The following GNB4 variants were observed in gnomAD, a reference collection of about 807,000 sequenced individuals.
GNB4 encodes G protein subunit beta 4.
GNB4 carries 28 observed loss-of-function variants against 45.2 expected under a neutral mutation model. The observed-to-expected ratio is 0.62, with a 90% confidence interval of 0.46 to 0.85. The LOEUF is 0.85. Among genes scored for constraint, GNB4 ranks in the 40% least tolerant of loss-of-function variants. The probability of loss-of-function intolerance (pLI) is 0.00; values close to 1 mark genes in which losing one functional copy is unlikely to be tolerated. For synonymous variants in GNB4, 132 were observed against 143.7 expected, an observed-to-expected ratio of 0.92 and a Z score of 0.58; for missense variants, 321 against 425.4, an observed-to-expected ratio of 0.75 and a Z score of 2.16.
At chr3:179,409,828 CAAAACA>C (rs1714596883) in intron 8 of GNB4, among the ~76,000 whole-genome samples, 1 of 111,380 alleles carries the variant, frequency 9.0e-6, no homozygotes, top group South Asian at 3.2e-4. Context: ...AACAAAAAAA[CAAAACA>C]AAAAAAAAAC....
upstream of GNB4, among the ~76,000 whole-genome samples, chr3:179,452,872 A>G (rs1326306594): frequency 6.6e-6 from 1 of 152,204 alleles, no homozygotes; most frequent in Admixed American, 6.5e-5. Context: ...TTTATGTTTT[A>G]ATGATTAAAT....
intron 6 of GNB4, among the ~76,000 whole-genome samples, chr3:179,414,503 C>T (rs1413997977): frequency 6.6e-6 from 1 of 152,154 alleles, no homozygotes; most frequent in African/African-American, 2.4e-5. Flanking sequence ...AATACACTAT[C>T]ATGGTGAAAA....
chr3:179,479,239 A>G, the GNB4 span, among the ~76,000 whole-genome samples: 1 of 152,174 alleles, frequency 6.6e-6, no homozygotes, highest in Non-Finnish European at 1.5e-5. Context: ...ATATTGTCGA[A>G]TATACAAGAC....
At chr3:179,507,182 TTA>T in the GNB4 span, among the ~76,000 whole-genome samples, 2 of 152,220 alleles carry the variant, frequency 1.3e-5, no homozygotes, top group African/African-American at 4.8e-5. Context: ...CTACCCTAGT[TTA>T]GACTTTCCTC....
At chr3:179,484,402 A>G in the GNB4 span, among the ~76,000 whole-genome samples, 3 of 152,180 alleles carry the variant, frequency 2.0e-5, no homozygotes, top group Non-Finnish European at 4.4e-5. Flanking sequence ...CTTATTCACT[A>G]CAGTTTATTT....
At chr3:179,454,318 A>C (rs2108628668), upstream of GNB4, among the ~76,000 whole-genome samples, 1 of 152,292 alleles carries the variant, frequency 6.6e-6, no homozygotes, top group East Asian at 1.9e-4. Context: ...TTAACAGAGC[A>C]CCTTGCATTT....
chr3:179,464,568 G>T, the GNB4 span: 1 of 1,521,302 alleles, frequency 6.6e-7, no homozygotes, highest in East Asian at 2.3e-5. Flanking sequence ...CATGATCCTG[G>T]TTGGCGAGAG....
chr3:179,402,459 A>G (rs1326820047), intron 9 of GNB4, among the ~76,000 whole-genome samples: 3 of 152,248 alleles, frequency 2.0e-5, no homozygotes, highest in African/African-American at 7.2e-5. Flanking sequence ...TGCAAAGTGT[A>G]AAACTGCAAA....
intron 2 of GNB4, among the ~76,000 whole-genome samples, chr3:179,424,551 CT>C (rs2108601205): frequency 1.3e-5 from 2 of 152,256 alleles, no homozygotes; most frequent in African/African-American, 4.8e-5. Context: ...GGTGAATGTT[CT>C]TCATCCATCC....
At chr3:179,473,146 G>C in the GNB4 span, among the ~76,000 whole-genome samples, 1 of 150,316 alleles carries the variant, frequency 6.7e-6, no homozygotes, top group Non-Finnish European at 1.5e-5. Flanking sequence ...CTGGGCAACA[G>C]AGTGAGACTC....
the GNB4 span, among the ~76,000 whole-genome samples, chr3:179,476,008 A>C: frequency 4.6e-5 from 7 of 152,314 alleles, no homozygotes; most frequent in African/African-American, 1.4e-4. Flanking sequence ...CAATAGCCCC[A>C]AAAGGTTTTA....
chr3:179,464,955 G>A, the GNB4 span: 1 of 1,548,402 alleles, frequency 6.5e-7, no homozygotes, highest in Admixed American at 1.7e-5. Flanking sequence ...AGGTCAAAAA[G>A]TGTTGAAATG....
the GNB4 span, among the ~76,000 whole-genome samples, chr3:179,517,917 G>C: frequency 2.6e-5 from 4 of 152,088 alleles, no homozygotes; most frequent in Non-Finnish European, 5.9e-5. Context: ...CGCCTGCCTT[G>C]GTCCTTCACC....
At chr3:179,403,550 T>A (rs1351705741) in intron 9 of GNB4, among the ~76,000 whole-genome samples, 1 of 152,044 alleles carries the variant, frequency 6.6e-6, no homozygotes, top group Non-Finnish European at 1.5e-5. Flanking sequence ...CCCAGCACTT[T>A]GGGAGGCTGA....
At chr3:179,445,678 G>A (rs1715703423) in intron 1 of GNB4, among the ~76,000 whole-genome samples, 1 of 152,216 alleles carries the variant, frequency 6.6e-6, no homozygotes, top group Admixed American at 6.5e-5. Context: ...AAATAGGAGA[G>A]TAGTTATGAT....
the GNB4 span, among the ~76,000 whole-genome samples, chr3:179,499,155 C>A: frequency 1.5e-4 from 17 of 111,516 alleles, 1 homozygote; most frequent in South Asian, 1.8e-3. Flanking sequence ...GCCACATTTT[C>A]TTTTTTTTTT....
chr3:179,519,382 C>T, the GNB4 span, among the ~76,000 whole-genome samples: 2 of 151,992 alleles, frequency 1.3e-5, no homozygotes, highest in Non-Finnish European at 2.9e-5. Context: ...TAACAGACAC[C>T]AAGCTTCAGG....
chr3:179,443,910 C>T (rs916906372), intron 1 of GNB4, among the ~76,000 whole-genome samples: 1 of 152,160 alleles, frequency 6.6e-6, no homozygotes, highest in Non-Finnish European at 1.5e-5. Flanking sequence ...CCATGCAGTT[C>T]GAATAGAATA....
chr3:179,446,819 C>T (rs1008832148), intron 1 of GNB4, among the ~76,000 whole-genome samples: 5 of 152,142 alleles, frequency 3.3e-5, no homozygotes, highest in African/African-American at 9.7e-5. Flanking sequence ...CTCTGGAAAC[C>T]GTCTTCTCCA....
Sources: allele counts gnomAD v4.1 joint callset (sites outside exome capture counted in the v4.1 genomes callset), GRCh38; gene constraint gnomAD v4.1.1; transcripts MANE v1.5; gene names NCBI Gene and HGNC (gene_info 2026-07-23, HGNC 2026-07-21).